HSPA4: variants seen among roughly 807,000 people sequenced by gnomAD.
The protein encoded by HSPA4 is heat shock protein family A (Hsp70) member 4.
In HSPA4, 25 loss-of-function variants were observed where a neutral mutation model predicts 106.2. The observed-to-expected ratio is 0.24, with a 90% CI of 0.17 to 0.33. HSPA4 has a LOEUF of 0.33. Ranked by LOEUF, HSPA4 falls within the 10% of genes least tolerant of loss-of-function variation. The probability of loss-of-function intolerance (pLI) is 1.00; values close to 1 mark genes in which losing one functional copy is unlikely to be tolerated. For synonymous variants in HSPA4, 332 were observed against 333.6 expected (o/e 1.00, Z 0.05); for missense variants, 841 against 996.0 (o/e 0.84, Z 2.10).
intron 4 of HSPA4, among the ~76,000 whole-genome samples, chr5:133,072,401 T>TTTTTGTTTTTTTG (rs1765394332): frequency 2.2e-5 from 3 of 139,450 alleles, no homozygotes; most frequent in African/African-American, 8.3e-5. Context: ...TGTTTTTTTT[T>TTTTTGTTTTTTTG]TTTTTTTTTT....
chr5:133,059,355 G>A (rs565748312), intron 1 of HSPA4, among the ~76,000 whole-genome samples: 2 of 151,916 alleles, frequency 1.3e-5, no homozygotes, highest in African/African-American at 4.8e-5. Flanking sequence ...GGCTGAGGCA[G>A]GAGAATCACT....
Position 133,101,897 on chromosome 5 carries a change from C to G in HSPA4, c.2157+19C>G, listed in dbSNP as rs1343952032. 7 of 1,441,186 alleles carry G rather than the reference C, an allele frequency of 4.9e-6. No individual in the cohort carries two copies. Among genetic ancestry groups the G allele is most frequent in the African/African-American group, 1.5e-5 (1 of 68,632 alleles). 89.3% of individuals were successfully genotyped at this position (1,441,186 alleles called of 1,614,324 possible). On this transcript the variant is annotated intron_variant, in intron 17 of 18. Transcript: ENST00000304858. ...AAACAAGGTAACTTTTTTCTTTGTC[C>G]TACTCTTATTTTAGTAAAGTTAACT...
intron 15 of HSPA4, among the ~76,000 whole-genome samples, chr5:133,097,859 T>C (rs937610809): frequency 4.5e-4 from 68 of 152,082 alleles, no homozygotes; most frequent in African/African-American, 1.6e-3. Context: ...TGTATTTTTC[T>C]TTAAATTGTT....
At chr5:133,101,716 A>G (rs1163724248) in intron 16 of HSPA4, 43 bp from the exon 17 acceptor site, 2 of 1,586,148 alleles carry the variant, frequency 1.3e-6, no homozygotes, top group African/African-American at 2.7e-5. Context: ...AGTACTCTGG[A>G]TCGTTGAACT....
intron 1 of HSPA4, among the ~76,000 whole-genome samples, chr5:133,056,511 TC>T (rs1765166925): frequency 6.6e-6 from 1 of 152,184 alleles, no homozygotes; most frequent in Non-Finnish European, 1.5e-5. Flanking sequence ...TCTCAAGTGA[TC>T]CGCCCGCCTT....
chr5:133,054,724 C>G (rs1561574382), intron 1 of HSPA4, among the ~76,000 whole-genome samples: 1 of 152,066 alleles, frequency 6.6e-6, no homozygotes, highest in Non-Finnish European at 1.5e-5. Flanking sequence ...GTATTGTGCC[C>G]TGAAGTTTTT....
At chr5:133,100,327 C>T (rs1765768659) in intron 16 of HSPA4, among the ~76,000 whole-genome samples, 1 of 152,002 alleles carries the variant, frequency 6.6e-6, no homozygotes, top group Non-Finnish European at 1.5e-5. Context: ...CCTTGGCCTC[C>T]CGAAGTGCTG....
chr5:133,083,040 C>T (rs1297682497), intron 7 of HSPA4, among the ~76,000 whole-genome samples: 1 of 150,564 alleles, frequency 6.6e-6, no homozygotes, highest in Non-Finnish European at 1.5e-5. Context: ...GAGGCTGAGG[C>T]AGGAGAATTG....
chr5:133,053,969 C>G (rs1056640854), intron 1 of HSPA4, among the ~76,000 whole-genome samples: 2 of 151,912 alleles, frequency 1.3e-5, no homozygotes, highest in Non-Finnish European at 2.9e-5. Context: ...CCCAGGGGCT[C>G]AATTCTAAGG....
chr5:133,080,765 C>A (rs1400686692), intron 7 of HSPA4, among the ~76,000 whole-genome samples: 2 of 151,430 alleles, frequency 1.3e-5, no homozygotes, highest in Admixed American at 1.3e-4. Context: ...GTTTAGTTTT[C>A]ATTTCTGACA....
Position 133,096,171 on chromosome 5 carries a change from G to A in HSPA4, c.1724G>A (p.Ser575Asn). 1 of 1,614,026 alleles carries A rather than the reference G, an allele frequency of 6.2e-7. No individual in the cohort carries two copies. The highest frequency in any genetic ancestry group is 8.5e-7 in the Non-Finnish European group (1 of 1,179,918). Residue 575 changes from serine (S) to asparagine (N), a missense_variant, in exon 14 of 19, where the codon AGT becomes AAT. Ser to Asn is a conservative substitution (Grantham distance 46). Coordinates refer to ENST00000304858, the MANE Select transcript of HSPA4 (RefSeq NM_002154.4). ...GCCAAGAAGGCAAAAGTGAAGACCAGTACTGTGGACCTGCCAATCGAGAAT... is the reference window on the plus strand; with the variant it reads ...GCCAAGAAGGCAAAAGTGAAGACCAATACTGTGGACCTGCCAATCGAGAAT... Reference protein sequence around the residue: ...PQAKKAKVKTSTVDLPIENQL... With the variant: ...PQAKKAKVKTNTVDLPIENQL...
chr5:133,079,296 T>C (rs1228966847), intron 7 of HSPA4, among the ~76,000 whole-genome samples: 1 of 152,054 alleles, frequency 6.6e-6, no homozygotes, highest in East Asian at 1.9e-4. Context: ...GATTATTTCC[T>C]GTTTCCCCTT....
chr5:133,073,775 C>G (rs1408548996), intron 5 of HSPA4, among the ~76,000 whole-genome samples: 1 of 152,162 alleles, frequency 6.6e-6, no homozygotes, highest in African/African-American at 2.4e-5. Context: ...TGCCAAAGTC[C>G]ATTGGCAACT....
intron 1 of HSPA4, among the ~76,000 whole-genome samples, chr5:133,059,792 A>C (rs1765215904): frequency 6.6e-6 from 1 of 152,182 alleles, no homozygotes; most frequent in Non-Finnish European, 1.5e-5. Context: ...TAGGATGCTT[A>C]GCACACCACC....
rs1218290505 is a variant in HSPA4 at position 133,106,439 on chromosome 5, T to C, written c.*2003T>C. On this transcript the variant is annotated 3_prime_UTR_variant, in exon 19 of 19. Transcript: ENST00000304858. ...GAAAAACTAATAAAATAAACCTGTC[T>C]TAAACTTGAATGGTTTCCTTAATTC... The C allele has an allele frequency of 6.6e-6, 1 of 151,416 alleles. No individual in the cohort carries two copies. Among genetic ancestry groups the C allele is most frequent in the Non-Finnish European group, 1.5e-5 (1 of 67,886 alleles). The allele number at this position is 151,416 out of a possible 1,614,324, so 9.4% of individuals were successfully genotyped here.
chr5:133,062,929 A>G (rs1054208337), intron 1 of HSPA4, among the ~76,000 whole-genome samples: 7 of 152,100 alleles, frequency 4.6e-5, no homozygotes, highest in African/African-American at 1.4e-4. Flanking sequence ...TAGTTCATCT[A>G]ATTTAGTCAG....
intron 12 of HSPA4, 110 bp from the exon 13 acceptor site, chr5:133,092,590 C>T: frequency 2.6e-6 from 2 of 761,700 alleles, no homozygotes; most frequent in Admixed American, 2.3e-5. Context: ...CATAGGCCTT[C>T]TGATTGCTGG....
At chr5:133,097,388 T>A in intron 15 of HSPA4, 102 bp downstream of exon 15, 2 of 1,028,924 alleles carry the variant, frequency 1.9e-6, no homozygotes, top group African/African-American at 1.6e-5. Context: ...GTAGAATTAT[T>A]AAAAATGGAG....
chr5:133,086,436 C>T (rs969128637), intron 7 of HSPA4, among the ~76,000 whole-genome samples: 11 of 152,176 alleles, frequency 7.2e-5, no homozygotes, highest in East Asian at 3.8e-4. Flanking sequence ...TCATTTGTAT[C>T]GCTTTATACA....
Sources: allele counts gnomAD v4.1 joint callset (sites outside exome capture counted in the v4.1 genomes callset), GRCh38; gene constraint gnomAD v4.1.1; transcripts MANE v1.5; gene names NCBI Gene and HGNC (gene_info 2026-07-23, HGNC 2026-07-21).